Variants in EIF4E observed in about 807,000 individuals in gnomAD.
EIF4E encodes the protein eIF-4F 25 kDa subunit.
For missense variants in EIF4E, 113 were observed against 265.6 expected, an observed-to-expected ratio of 0.43 and a Z score of 3.99; for synonymous variants, 71 against 88.5, an observed-to-expected ratio of 0.80 and a Z score of 1.11.
chr4:98,927,812 T>A (rs1015971486), intron 1 of EIF4E, among the ~76,000 whole-genome samples: 3 of 152,144 alleles, frequency 2.0e-5, no homozygotes, highest in Non-Finnish European at 4.4e-5. Context: ...GTTTTCTGAT[T>A]GCTAATAAAC....
At chr4:98,929,047 G>A in intron 1 of EIF4E, 48 bp downstream of exon 1, 4 of 1,574,588 alleles carry the variant, frequency 2.5e-6, no homozygotes, top group Non-Finnish European at 2.6e-6. Flanking sequence ...TCAGAAGGAA[G>A]ACGGAGCGCG....
intron 1 of EIF4E, among the ~76,000 whole-genome samples, chr4:98,924,110 C>T (rs998437430): frequency 1.7e-4 from 25 of 150,796 alleles, no homozygotes; most frequent in African/African-American, 1.7e-4. Flanking sequence ...CGGAGTCTCG[C>T]TCTGTCACCC....
chr4:98,890,738 T>C (rs1724110693), intron 3 of EIF4E: 1 of 155,306 alleles, frequency 6.4e-6, no homozygotes, highest in Admixed American at 6.3e-5. Context: ...TTGAGGTTGA[T>C]CAAAGTATAA....
intron 1 of EIF4E, among the ~76,000 whole-genome samples, chr4:98,918,895 G>C (rs1725523305): frequency 1.3e-5 from 2 of 152,196 alleles, no homozygotes; most frequent in African/African-American, 4.8e-5. Context: ...AACTGACAAT[G>C]CTGGTTGCCT....
chr4:98,918,618 T>C (rs1374054323), intron 1 of EIF4E, among the ~76,000 whole-genome samples: 1 of 152,174 alleles, frequency 6.6e-6, no homozygotes, highest in Non-Finnish European at 1.5e-5. Context: ...GGGAAAAGTT[T>C]ATTTATCCCA....
At chr4:98,923,994 T>C (rs985412615) in intron 1 of EIF4E, among the ~76,000 whole-genome samples, 33 of 152,130 alleles carry the variant, frequency 2.2e-4, no homozygotes, top group African/African-American at 7.0e-4. Flanking sequence ...CTATAACCCA[T>C]GCTCATTTCC....
rs553664019 is a variant in EIF4E, at chr4:98,881,160, A to AG, written c.540-19dup. ...ATACCCTCCTAGAAGAAAAAAAAAAAGAAGAAGAAAAAAGTAGTCATTAAC... is the reference window on the plus strand; with the variant it reads ...ATACCCTCCTAGAAGAAAAAAAAAAAGGAAGAAGAAAAAAGTAGTCATTAAC... On this transcript the variant is annotated intron_variant, in intron 6 of 6. Coordinates refer to ENST00000450253, the MANE Select transcript of EIF4E (RefSeq NM_001968.5). 3,784 of 1,567,616 alleles carry AG rather than the reference A, an allele frequency of 2.4e-3. 39 individuals carry two copies. The South Asian group carries it at 0.04, about 16-fold the overall frequency.
intron 1 of EIF4E, among the ~76,000 whole-genome samples, chr4:98,920,661 A>G (rs894066591): frequency 6.6e-6 from 1 of 152,178 alleles, no homozygotes; most frequent in African/African-American, 2.4e-5. Flanking sequence ...GACCATGAGT[A>G]TGTAACTAAG....
intron 1 of EIF4E, among the ~76,000 whole-genome samples, chr4:98,917,021 A>G (rs1438342991): frequency 2.0e-5 from 3 of 151,622 alleles, no homozygotes; most frequent in Non-Finnish European, 4.4e-5. Context: ...ATGTGACTGG[A>G]GCAATGTGAT....
At chr4:98,899,981 T>C (rs1724578334) in intron 2 of EIF4E, among the ~76,000 whole-genome samples, 2 of 151,996 alleles carry the variant, frequency 1.3e-5, no homozygotes, top group Admixed American at 1.3e-4. Flanking sequence ...GACTTCATTT[T>C]AAGATTTAAA....
chr4:98,903,530 G>T, intron 1 of EIF4E: 1 of 453,868 alleles, frequency 2.2e-6, no homozygotes, highest in South Asian at 1.6e-5. Context: ...TTTTAGTAGA[G>T]ACAAGGTCTC....
intron 6 of EIF4E, 96 bp from the exon 7 acceptor site, chr4:98,881,238 A>T: frequency 6.7e-7 from 1 of 1,501,636 alleles, no homozygotes; most frequent in Non-Finnish European, 8.9e-7. Flanking sequence ...TCTTTATATT[A>T]AAAAACATAG....
rs2110169105 is a variant in EIF4E at position 98,879,294 on chromosome 4, T to C, written c.*1734A>G. 6.6e-6 allele frequency: 1 copy of C among 152,306 alleles called. No individual in the cohort carries two copies. The highest frequency in any genetic ancestry group is 2.1e-4 in the South Asian group (1 of 4,828). 9.4% of individuals were successfully genotyped at this position (152,306 alleles called of 1,614,324 possible). On this transcript the variant is annotated 3_prime_UTR_variant, in exon 7 of 7. Coordinates refer to ENST00000450253, the MANE Select transcript of EIF4E (RefSeq NM_001968.5). ...AAATCAGTGCTATTAATTTCATGTT[T>C]ATTTCATACAGGGTTTTTGTCAAGT...
In EIF4E at chr4:98,887,279, T is replaced by C. The variant is rs1723961733; in HGVS notation, c.286-87A>G. 2 of 1,326,476 alleles carry C rather than the reference T, an allele frequency of 1.5e-6. No individual in the cohort carries two copies. Among genetic ancestry groups the C allele is most frequent in the Non-Finnish European group, 2.2e-6 (2 of 921,012 alleles). 82.2% of individuals were successfully genotyped at this position (1,326,476 alleles called of 1,614,324 possible). A position where few individuals can be genotyped will look rare whatever the true frequency, so the allele number is the denominator to read the frequency against. On this transcript the variant is annotated intron_variant, in intron 4 of 6. Coordinates refer to ENST00000450253, the MANE Select transcript of EIF4E (RefSeq NM_001968.5). This position sits in a 1 kb window ranked among gnomAD's most constrained non-coding sequence, Gnocchi z 4.0. ...ATTAGAAACAGTTAAGCAACAACAC[T>C]GTCAACTTCTTACTTTATTGCCCAT...
At chr4:98,898,591 T>A (rs1003677198) in intron 2 of EIF4E, among the ~76,000 whole-genome samples, 3 of 151,208 alleles carry the variant, frequency 2.0e-5, no homozygotes, top group South Asian at 2.1e-4. Flanking sequence ...AAAAAACAGA[T>A]GGCAAAAATG....
chr4:98,891,230 T>A lies in EIF4E; in HGVS notation c.221+7A>T. ...CAACAAACATACTAAAACAAATGGT[T>A]ACTTACGCCCAAAAGTCTTCAACAG... On this transcript the variant is annotated splice_region_variant and intron_variant, in intron 3 of 6. Coordinates refer to ENST00000450253, the MANE Select transcript of EIF4E (RefSeq NM_001968.5). The A allele has an allele frequency of 6.2e-7, 1 of 1,613,924 alleles. No homozygotes were observed. Among genetic ancestry groups the A allele is most frequent in the Non-Finnish European group, 8.5e-7 (1 of 1,179,834 alleles).
chr4:98,902,099 C>A, intron 1 of EIF4E, 117 bp from the exon 2 acceptor site: 1 of 861,974 alleles, frequency 1.2e-6, no homozygotes, highest in Non-Finnish European at 1.8e-6. Context: ...GACAGAGTCT[C>A]TCTCTGTTGC....
chr4:98,892,332 AAAAC>A (rs1560637167), intron 2 of EIF4E, among the ~76,000 whole-genome samples: 3 of 149,514 alleles, frequency 2.0e-5, no homozygotes, highest in Non-Finnish European at 4.4e-5. Flanking sequence ...AAAAAACAAA[AAAAC>A]AAACAAAAAA....
At chr4:98,928,998 C>A in intron 1 of EIF4E, 97 bp downstream of exon 1, 1 of 1,568,604 alleles carries the variant, frequency 6.4e-7, no homozygotes. Flanking sequence ...GCAAGGGGTA[C>A]AGTGCGCGCC....
Sources: gnomAD v4.1 joint callset for allele counts (sites outside exome capture counted in the v4.1 genomes callset) on GRCh38, gnomAD v4.1.1 for gene constraint, Gnocchi (gnomAD v3.1) non-coding constraint, MANE v1.5 for transcripts, NCBI Gene and HGNC (gene_info 2026-07-23, HGNC 2026-07-21) for gene names.